Variants in PGRMC2 observed in about 807,000 individuals in gnomAD.
PGRMC2 encodes progesterone receptor membrane component 2, also known as membrane-associated progesterone receptor component 2.
In PGRMC2, 9 loss-of-function variants were observed where a neutral mutation model predicts 19.3. That is an observed-to-expected ratio of 0.47 (90% confidence interval 0.28 to 0.81). The LOEUF is 0.81. Among genes scored for constraint, PGRMC2 ranks in the 40% least tolerant of loss-of-function variants. The probability of loss-of-function intolerance (pLI) is 0.11; values close to 1 mark genes in which losing one functional copy is unlikely to be tolerated. For synonymous variants in PGRMC2, 157 were observed against 124.6 expected (o/e 1.26, Z -1.73); for missense variants, 289 against 297.3 (o/e 0.97, Z 0.21).
chr4:128,281,069 T>C (rs1435007947), intron 1 of PGRMC2, among the ~76,000 whole-genome samples: 2 of 152,146 alleles, frequency 1.3e-5, no homozygotes, highest in African/African-American at 4.8e-5. Flanking sequence ...ATGATAACCA[T>C]GTTAGTAAAT....
chr4:128,280,867 T>G (rs960707754), intron 1 of PGRMC2, among the ~76,000 whole-genome samples: 1 of 152,126 alleles, frequency 6.6e-6, no homozygotes, highest in Non-Finnish European at 1.5e-5. Flanking sequence ...CCAAAAATGG[T>G]AGGATTATAG....
In PGRMC2 at chr4:128,284,371, T is replaced by C. The variant is rs566747646; in HGVS notation, c.418+3002A>G. On this transcript the variant is annotated intron_variant, in intron 1 of 2. Transcript: ENST00000296425. ...ACTTACCAACTTCACTGAGGAATTATGGAGATAAAAAAATTAATGGATCTG... is the reference window on the plus strand; with the variant it reads ...ACTTACCAACTTCACTGAGGAATTACGGAGATAAAAAAATTAATGGATCTG... 3.3e-5 allele frequency among the ~76,000 whole-genome samples: 5 copies of C among 152,362 alleles called. No individual in the cohort carries two copies. In the South Asian group the frequency reaches 8.3e-4, roughly 25 times the overall value.
At position 128,272,451 on chromosome 4, in the gene PGRMC2, T is replaced by C; in HGVS notation, c.485A>G (p.Lys162Arg). 6.3e-7 allele frequency: 1 copy of C among 1,589,474 alleles called. No individual in the cohort carries two copies. The highest frequency in any genetic ancestry group is 2.3e-5 in the East Asian group (1 of 43,536). The change falls in exon 2 of 3, where the codon AAA becomes AGA. Residue 162 changes from lysine (K) to arginine (R), a missense_variant. By Grantham distance (26) the Lys-to-Arg change is conservative (BLOSUM62 2). Coordinates refer to ENST00000296425, the MANE Select transcript of PGRMC2 (RefSeq NM_006320.6). ...ATCATATTCATCTCTAAGTGCATCT[T>C]TATCTAGGCAAAATGTGGCCAGTCC... is the stretch of plus-strand genomic sequence containing the variant. ...SRGLATFCLD[K>R]DALRDEYDDL... is the part of the protein sequence containing the mutation.
At chr4:128,286,589 AAAAAAAG>A (rs1200271055) in intron 1 of PGRMC2, 1 of 398,402 alleles carries the variant, frequency 2.5e-6, no homozygotes, top group Non-Finnish European at 4.4e-6. Context: ...GAAAAGAGAA[AAAAAAAG>A]AAAAAAGAAA....
At position 128,272,425 on chromosome 4, in the gene PGRMC2, C is replaced by G. The variant is rs536290587; in HGVS notation, c.511G>C (p.Asp171His). The change falls in exon 2 of 3, where the codon GAT (aspartate) becomes CAT (histidine). Residue 171 changes from aspartate (D) to histidine (H), a missense_variant. Coordinates refer to ENST00000296425, the MANE Select transcript of PGRMC2 (RefSeq NM_006320.6). ...DKDALRDEYD[D>H]LSDLNAVQME... ...TGTACTGCATTCAAATCTGAGAGATCATCATATTCATCTCTAAGTGCATCT... is the reference window on the plus strand; with the variant it reads ...TGTACTGCATTCAAATCTGAGAGATGATCATATTCATCTCTAAGTGCATCT... 6.3e-7 allele frequency: 1 copy of G among 1,584,312 alleles called. No individual in the cohort carries two copies. Among genetic ancestry groups the G allele is most frequent in the Non-Finnish European group, 8.6e-7 (1 of 1,164,628 alleles).
At chr4:128,278,660 CTG>C (rs747953214) in intron 1 of PGRMC2, among the ~76,000 whole-genome samples, 1 of 151,836 alleles carries the variant, frequency 6.6e-6, no homozygotes, top group African/African-American at 2.4e-5. Context: ...AACTAAAAAA[CTG>C]AGACCACAGA....
Position 128,274,396 on chromosome 4 carries a change from A to G in PGRMC2, c.419-1879T>C, listed in dbSNP as rs1197674630. On this transcript the variant is annotated intron_variant, in intron 1 of 2. Coordinates refer to ENST00000296425, the MANE Select transcript of PGRMC2 (RefSeq NM_006320.6). ...TGTGGTGGCGCACGCCTGTAATCCCAGCTACTCAGGAGTCTGAGGCAGGAG... is the reference window on the plus strand; with the variant it reads ...TGTGGTGGCGCACGCCTGTAATCCCGGCTACTCAGGAGTCTGAGGCAGGAG... Among the ~76,000 whole-genome samples the G allele has an allele frequency of 2.0e-5, 3 of 152,062 alleles. No homozygotes were observed. The East Asian group carries it at 5.8e-4, about 29-fold the overall frequency.
At chr4:128,273,241 A>G (rs1300870742) in intron 1 of PGRMC2, among the ~76,000 whole-genome samples, 2 of 152,226 alleles carry the variant, frequency 1.3e-5, no homozygotes, top group East Asian at 3.8e-4. Context: ...GGAAGTAGCT[A>G]TAAGGAATAA....
chr4:128,277,688 C>T (rs1156375706), intron 1 of PGRMC2, among the ~76,000 whole-genome samples: 1 of 152,064 alleles, frequency 6.6e-6, no homozygotes, highest in Non-Finnish European at 1.5e-5. Context: ...TTATAATCAG[C>T]CTATCAACAA....
At chr4:128,287,213 T>TAGGGGCGGGATGGGCCGTCCC (rs1269260558) in intron 1 of PGRMC2, 160 bp downstream of exon 1, 4 of 705,528 alleles carry the variant, frequency 5.7e-6, no homozygotes, top group Non-Finnish European at 9.2e-6. Flanking sequence ...GGTGTGTGTG[T>TAGGGGCGGGATGGGCCGTCCC]AGGGGCGGGA....
At chr4:128,273,975 TTTCTTA>T (rs1361297648) in intron 1 of PGRMC2, among the ~76,000 whole-genome samples, 4 of 152,196 alleles carry the variant, frequency 2.6e-5, no homozygotes, top group Non-Finnish European at 4.4e-5. Flanking sequence ...GTATTCTGCT[TTTCTTA>T]TTCTTATTGC....
At chr4:128,274,652 T>C (rs890980739) in intron 1 of PGRMC2, among the ~76,000 whole-genome samples, 2 of 151,498 alleles carry the variant, frequency 1.3e-5, no homozygotes, top group African/African-American at 4.8e-5. Context: ...GACAGAGAAC[T>C]AGTGTGTTTA....
In PGRMC2 at chr4:128,287,392, G is replaced by C; in HGVS notation, c.399C>G (p.Gly133=). The change falls in exon 1 of 3, where the codon GGC becomes GGG. Residue 133 remains glycine, a synonymous_variant. Transcript: ENST00000296425. ...CCTCACCCGGGCCGTAGAACTTGCT[G>C]CCTTTGGTCACGTCGAAGACTTTCC... ...VNGKVFDVTK[G]SKFYGPAGPY... is the part of the protein sequence containing the mutation. The C allele has an allele frequency of 6.2e-7, 1 of 1,605,204 alleles. No homozygotes were observed. The highest frequency in any genetic ancestry group is 8.5e-7 in the Non-Finnish European group (1 of 1,173,158).
rs1760872755 is a variant in PGRMC2 at position 128,279,579 on chromosome 4, A to G, written c.419-7062T>C. ...TAATTTTACACACATGTGTAAAATG[A>G]CATGTACATATTTATTGCAGCATCA... On this transcript the variant is annotated intron_variant, in intron 1 of 2. Transcript: ENST00000296425. Among the ~76,000 whole-genome samples, 4 of 152,238 alleles carry G rather than the reference A, an allele frequency of 2.6e-5. No homozygotes were observed. In the South Asian group the frequency reaches 8.3e-4, roughly 31 times the overall value.
intron 1 of PGRMC2, among the ~76,000 whole-genome samples, chr4:128,283,340 T>TACTA (rs1760936979): frequency 6.6e-6 from 1 of 152,206 alleles, no homozygotes; most frequent in African/African-American, 2.4e-5. Context: ...AAATTAGCGA[T>TACTA]ACTAAGCTCA....
chr4:128,284,365 G>C (rs761083261), intron 1 of PGRMC2, among the ~76,000 whole-genome samples: 1 of 152,156 alleles, frequency 6.6e-6, no homozygotes, highest in Non-Finnish European at 1.5e-5. Context: ...CTTCACTGAG[G>C]AATTATGGAG....
At chr4:128,282,817 A>G (rs1760928073) in intron 1 of PGRMC2, among the ~76,000 whole-genome samples, 1 of 152,252 alleles carries the variant, frequency 6.6e-6, no homozygotes, top group Non-Finnish European at 1.5e-5. Flanking sequence ...AGTGTTAAAT[A>G]AAAGTGAACA....
chr4:128,280,940 T>C (rs1760901967), intron 1 of PGRMC2, among the ~76,000 whole-genome samples: 1 of 151,978 alleles, frequency 6.6e-6, no homozygotes. Context: ...CTATTATTCC[T>C]GAGTGAGGAA....
chr4:128,285,505 A>G (rs1760970787), intron 1 of PGRMC2, among the ~76,000 whole-genome samples: 1 of 152,218 alleles, frequency 6.6e-6, no homozygotes. Context: ...TGTCTCTCTT[A>G]GCTATTTTCA....
Sources: gnomAD v4.1 joint callset for allele counts (sites outside exome capture counted in the v4.1 genomes callset) on GRCh38, gnomAD v4.1.1 for gene constraint, MANE v1.5 for transcripts, NCBI Gene and HGNC (gene_info 2026-07-23, HGNC 2026-07-21) for gene names.